Variants in NRK observed in about 807,000 individuals in gnomAD.
NRK encodes the protein nik-related protein kinase.
A neutral mutation model predicts 125.2 loss-of-function variants in NRK; 67 were observed. That is an observed-to-expected ratio of 0.54 (90% CI 0.44 to 0.66). NRK has a LOEUF of 0.66. NRK is among the 30% of genes least tolerant of loss of function. NRK has a pLI of 0.00. For synonymous variants in NRK, 458 were observed against 429.0 expected (o/e 1.07, Z -0.84); for missense variants, 1,224 against 1,192.9 (o/e 1.03, Z -0.38).
intron 2 of NRK, among the ~76,000 whole-genome samples, chrX:105,833,506 A>T (rs1290439516): frequency 9.0e-6 from 1 of 111,122 alleles, no homozygotes. Context: ...GAGCCACCAG[A>T]TGTGAGAAAT....
intron 2 of NRK, among the ~76,000 whole-genome samples, chrX:105,873,935 C>T (rs1447209260): frequency 1.8e-5 from 2 of 112,240 alleles, no homozygotes; most frequent in East Asian, 5.6e-4. Context: ...TATTACTAGA[C>T]TTTAAGGACT....
At chrX:105,899,211 G>A (rs2040124248) in intron 8 of NRK, among the ~76,000 whole-genome samples, 1 of 112,091 alleles carries the variant, frequency 8.9e-6, no homozygotes, top group Non-Finnish European at 1.9e-5. Flanking sequence ...GACAAATTAA[G>A]TAACAATTCA....
At chrX:105,843,682 G>A (rs2039358465) in intron 2 of NRK, among the ~76,000 whole-genome samples, 1 of 111,305 alleles carries the variant, frequency 9.0e-6, no homozygotes, top group Non-Finnish European at 1.9e-5. Flanking sequence ...AGTGTTATTG[G>A]CATGGCCAAG....
chrX:105,841,673 G>T (rs2039333073), intron 2 of NRK, among the ~76,000 whole-genome samples: 1 of 111,347 alleles, frequency 9.0e-6, no homozygotes, highest in African/African-American at 3.3e-5. Flanking sequence ...ATACCACCAT[G>T]ATCTAAAAGG....
At chrX:105,826,747 T>G (rs1031000973) in intron 1 of NRK, among the ~76,000 whole-genome samples, 2 of 110,771 alleles carry the variant, frequency 1.8e-5, no homozygotes, top group East Asian at 2.8e-4. Context: ...CATGAGAAAT[T>G]TCCCACTTTA....
intron 9 of NRK, 47 bp downstream of exon 9, chrX:105,900,719 T>G (rs758957234): frequency 1.3e-6 from 1 of 766,016 alleles, no homozygotes; most frequent in South Asian, 2.4e-5. Context: ...GGAAATGTAC[T>G]GTACAAATCA....
At chrX:105,831,181 C>A in intron 2 of NRK, 62 bp downstream of exon 2, 1 of 709,475 alleles carries the variant, frequency 1.4e-6, no homozygotes, top group South Asian at 2.4e-5. Flanking sequence ...GATTGTGAGT[C>A]AGACACTGCA....
At chrX:105,849,605 C>G (rs1461636785) in intron 2 of NRK, among the ~76,000 whole-genome samples, 1 of 111,939 alleles carries the variant, frequency 8.9e-6, no homozygotes, top group Admixed American at 9.4e-5. Flanking sequence ...TTTCTAGATA[C>G]AAGGAGGGTA....
intron 5 of NRK, among the ~76,000 whole-genome samples, chrX:105,892,402 A>G (rs2045125191): frequency 8.9e-6 from 1 of 112,074 alleles, no homozygotes; most frequent in Admixed American, 9.5e-5. Flanking sequence ...GCCTATATAA[A>G]TCAGAAAAAC....
In NRK at chrX:105,934,422, T is replaced by C; in HGVS notation, c.3477T>C (p.Asp1159=). The change falls in exon 20 of 29, where the codon GAT becomes GAC. Residue 1159 remains aspartate (D), a synonymous_variant. Coordinates refer to ENST00000243300, the MANE Select transcript of NRK (RefSeq NM_198465.4). ...SPSKGSGMSA[D]ANFASAILYA... The stretch of plus-strand genomic sequence containing the variant: ...CCAAAGGTTCTGGGATGTCTGCTGA[T>C]GCTAACTTTGCCAGTGCCATCTGTG... The C allele has an allele frequency of 1.7e-6, 2 of 1,195,600 alleles. No homozygotes were observed. Among genetic ancestry groups the C allele is most frequent in the South Asian group, 3.6e-5 (2 of 55,253 alleles).
At chrX:105,827,872 G>A (rs2039135309) in intron 1 of NRK, among the ~76,000 whole-genome samples, 1 of 111,852 alleles carries the variant, frequency 8.9e-6, no homozygotes, top group African/African-American at 3.2e-5. Context: ...AATTGGTATA[G>A]CAGTCATAGA....
At position 105,834,718 on chromosome X, in the gene NRK, CT is replaced by C. The variant is rs1437230484; in HGVS notation, c.123+3607del. The stretch of plus-strand genomic sequence containing the variant: ...GGAGTGTGTCTGTGTGTGTTTCATT[CT>C]TTTTTTTCTCTTTGTGTTTCAGTTT... On this transcript the variant is annotated intron_variant, in intron 2 of 28. Transcript: ENST00000243300. Among the ~76,000 whole-genome samples the C allele has an allele frequency of 9.1e-5, 10 of 110,200 alleles. No individual in the cohort carries two copies. The Admixed American group carries it at 9.8e-4, about 11-fold the overall frequency.
chrX:105,918,040 A>G (rs765897121), intron 16 of NRK, among the ~76,000 whole-genome samples: 1 of 110,767 alleles, frequency 9.0e-6, no homozygotes, highest in Non-Finnish European at 1.9e-5. Context: ...AGAATATTGT[A>G]TGGAGGAGTT....
chrX:105,823,173 G>A (rs1299563521), intron 1 of NRK, among the ~76,000 whole-genome samples: 1 of 112,556 alleles, frequency 8.9e-6, no homozygotes, highest in Non-Finnish European at 1.9e-5. Flanking sequence ...ACCCTAAACA[G>A]CGGGGCATTT....
chrX:105,880,366 A>G, intron 3 of NRK, 111 bp downstream of exon 3: 1 of 288,105 alleles, frequency 3.5e-6, no homozygotes, highest in Non-Finnish European at 6.2e-6. Context: ...TATAATAATT[A>G]TTACATCAAT....
At chrX:105,920,717 A>C (rs1395770547) in intron 16 of NRK, among the ~76,000 whole-genome samples, 2 of 109,695 alleles carry the variant, frequency 1.8e-5, no homozygotes, top group African/African-American at 6.6e-5. Flanking sequence ...GCAGCCAAAA[A>C]ACACATGAAA....
In NRK at chrX:105,912,711, A is replaced by T. The variant is rs1250459605; in HGVS notation, c.2305A>T (p.Ile769Leu). 3 of 1,123,107 alleles carry T rather than the reference A, an allele frequency of 2.7e-6. No homozygotes were observed. The South Asian group carries it at 6.3e-5, about 23-fold the overall frequency. 92.6% of individuals were successfully genotyped at this position (1,123,107 alleles called of 1,213,427 possible). Residue 769 changes from isoleucine (I) to leucine (L), a missense_variant, in exon 14 of 29, where the codon ATA becomes TTA. Physicochemically the swap from Ile to Leu is conservative, Grantham distance 5. Coordinates refer to ENST00000243300, the MANE Select transcript of NRK (RefSeq NM_198465.4). ...TCATTCGATTCAGGCTGAAGTCCAG[A>T]TAGAGCCATTGAAGCCATACATTTC... ...VFHSIQAEVQ[I>L]EPLKPYISNP...
rs141518394 is a variant in NRK, at chrX:105,948,985, G to A, written c.4354-590G>A. The stretch of plus-strand genomic sequence containing the variant: ...ATATGTCTTTGAATGTGTATCTTAA[G>A]TGCATTTGAAATTATATTAATTGGA... On this transcript the variant is annotated intron_variant, in intron 26 of 28. Transcript: ENST00000243300. Among the ~76,000 whole-genome samples the A allele has an allele frequency of 2.2e-3, 241 of 111,230 alleles. 7 individuals are homozygous for A. The East Asian group carries it at 0.061, about 28-fold the overall frequency.
intron 2 of NRK, among the ~76,000 whole-genome samples, chrX:105,874,389 G>T (rs1255280581): frequency 1.8e-5 from 2 of 112,082 alleles, no homozygotes; most frequent in Non-Finnish European, 3.8e-5. Context: ...GCAAATTTAA[G>T]TCTCAGGTGA....
Sources: gnomAD v4.1 joint callset for allele counts (sites outside exome capture counted in the v4.1 genomes callset) on GRCh38, gnomAD v4.1.1 for gene constraint, MANE v1.5 for transcripts, NCBI Gene and HGNC (gene_info 2026-07-23, HGNC 2026-07-21) for gene names.